The following UBE3B variants were observed in gnomAD, a reference collection of about 807,000 sequenced individuals.
UBE3B encodes ubiquitin protein ligase E3B.
Under a neutral mutation model 132.3 loss-of-function variants are expected in UBE3B, and 80 were observed. The observed-to-expected ratio is 0.60, with a 90% CI of 0.50 to 0.73. UBE3B has a LOEUF of 0.73. Among genes scored for constraint, UBE3B ranks in the 30% least tolerant of loss-of-function variants. UBE3B has a pLI of 0.00. For synonymous variants in UBE3B, 487 were observed against 520.4 expected, an observed-to-expected ratio of 0.94 and a Z score of 0.87; for missense variants, 1,196 against 1,362.5, an observed-to-expected ratio of 0.88 and a Z score of 1.92.
At position 109,534,600 on chromosome 12, in the gene UBE3B, G is replaced by A; in HGVS notation, c.3025G>A (p.Asp1009Asn). 1 of 1,609,694 alleles carries A rather than the reference G, an allele frequency of 6.2e-7. No homozygotes were observed. The highest frequency in any genetic ancestry group is 8.5e-7 in the Non-Finnish European group (1 of 1,177,906). ...CGATGTGTGCCTTCAGGACACCGGG[G>A]ACACTCTGGGCAGCGTCCTCCGGGG... ...VEVSDDQDTG[D>N]TLGSVLRGFF... The change falls in exon 28 of 28, where the codon GAC becomes AAC. Residue 1009 changes from aspartate to asparagine, a missense_variant. Coordinates refer to ENST00000342494, the MANE Select transcript of UBE3B (RefSeq NM_130466.4). This position sits in a 1 kb window ranked among gnomAD's most constrained non-coding sequence, Gnocchi z 5.2.
intron 15 of UBE3B, among the ~76,000 whole-genome samples, chr12:109,508,068 C>G (rs1473878176): frequency 6.6e-6 from 1 of 152,122 alleles, no homozygotes; most frequent in Non-Finnish European, 1.5e-5. Flanking sequence ...ATTCCAAAGT[C>G]AGAGCCAGGG....
intron 21 of UBE3B, among the ~76,000 whole-genome samples, chr12:109,523,689 G>C (rs572838524): frequency 9.2e-5 from 14 of 152,262 alleles, no homozygotes; most frequent in Non-Finnish European, 1.5e-4. Flanking sequence ...GCCCCCCACT[G>C]ACAGGTGAGA....
At chr12:109,523,478 TG>T (rs1488190396) in intron 21 of UBE3B, among the ~76,000 whole-genome samples, 1 of 152,208 alleles carries the variant, frequency 6.6e-6, no homozygotes, top group Non-Finnish European at 1.5e-5. Flanking sequence ...GGAGTATGCC[TG>T]GGGCCTCGTA....
At position 109,535,011 on chromosome 12, in the gene UBE3B, C is replaced by T. The variant is rs1883311207; in HGVS notation, c.*229C>T. 2.6e-6 allele frequency: 1 copy of T among 391,880 alleles called. No homozygotes were observed. Among genetic ancestry groups the T allele is most frequent in the African/African-American group, 2.1e-5 (1 of 48,494 alleles). 24.3% of individuals were successfully genotyped at this position (391,880 alleles called of 1,614,324 possible). ...CACAGGGCTGCAGAAAATAAACCTC[C>T]AGATTCCACCAACACGGGTCCATTC... On this transcript the variant is annotated 3_prime_UTR_variant, in exon 28 of 28. Coordinates refer to ENST00000342494, the MANE Select transcript of UBE3B (RefSeq NM_130466.4).
intron 8 of UBE3B, chr12:109,490,394 T>C: frequency 6.6e-7 from 1 of 1,517,864 alleles, no homozygotes; most frequent in South Asian, 1.2e-5. Flanking sequence ...ATCATACCTC[T>C]AGGGAATTGT....
At chr12:109,533,884 A>G (rs1213714593) in intron 27 of UBE3B, 10 of 1,325,534 alleles carry the variant, frequency 7.5e-6, no homozygotes, top group Non-Finnish European at 1.0e-5. Flanking sequence ...GCATGGGAGA[A>G]AGTGAGAGAG....
In UBE3B at chr12:109,522,278, C is replaced by CT. The variant is rs1183470523; in HGVS notation, c.2364+728dup. ...GAGGAAGTGAGTCTGGGTTTCCACT[C>CT]TGTGGCCTGATGGGGTCAGGGTGAT... On this transcript the variant is annotated intron_variant, in intron 21 of 27. Coordinates refer to ENST00000342494, the MANE Select transcript of UBE3B (RefSeq NM_130466.4). This position sits in a 1 kb window ranked among gnomAD's most constrained non-coding sequence, Gnocchi z 4.2. Among the ~76,000 whole-genome samples the CT allele has an allele frequency of 6.6e-6, 1 of 152,204 alleles. No individual in the cohort carries two copies. The highest frequency in any genetic ancestry group is 1.9e-4 in the East Asian group (1 of 5,186).
rs999256045 is a variant in UBE3B at position 109,521,577 on chromosome 12, T to C, written c.2364+26T>C. 5 of 1,523,228 alleles carry C rather than the reference T, an allele frequency of 3.3e-6. No individual in the cohort carries two copies. The highest frequency in any genetic ancestry group is 4.4e-6 in the Non-Finnish European group (5 of 1,131,944). 94.4% of individuals were successfully genotyped at this position (1,523,228 alleles called of 1,614,324 possible). ...GTAGGAACGTTAAGAAACAGAGAAA[T>C]GTAAAATAAAATGTTAACGGTACCA... On this transcript the variant is annotated intron_variant, in intron 21 of 27. Coordinates refer to ENST00000342494, the MANE Select transcript of UBE3B (RefSeq NM_130466.4). This position sits in a 1 kb window ranked among gnomAD's most constrained non-coding sequence, Gnocchi z 4.2.
intron 6 of UBE3B, 29 bp from the exon 7 acceptor site, chr12:109,488,543 C>G: frequency 6.3e-7 from 1 of 1,597,288 alleles, no homozygotes; most frequent in Non-Finnish European, 8.6e-7. Flanking sequence ...AGACGTGTGT[C>G]TTAATCTTGC....
At chr12:109,486,629 C>T (rs1876516180) in intron 6 of UBE3B, 54 bp downstream of exon 6, 41 of 1,332,732 alleles carry the variant, frequency 3.1e-5, no homozygotes, top group Middle Eastern at 4.2e-4. Context: ...GTACGTATGT[C>T]ATTTTCACCT....
chr12:109,479,193 C>G (rs1874896634), intron 1 of UBE3B, among the ~76,000 whole-genome samples: 1 of 152,210 alleles, frequency 6.6e-6, no homozygotes, highest in African/African-American at 2.4e-5. Flanking sequence ...TCACCAACCT[C>G]TTATTTTCTA....
intron 14 of UBE3B, 25 bp downstream of exon 14, chr12:109,503,215 T>C (rs768138484): frequency 6.2e-7 from 1 of 1,604,766 alleles, no homozygotes; most frequent in East Asian, 2.2e-5. Context: ...GGGCATCTTC[T>C]TCACCTCTCA....
chr12:109,509,489 T>TAA, intron 15 of UBE3B, 107 bp from the exon 16 acceptor site: 1 of 685,770 alleles, frequency 1.5e-6, no homozygotes, highest in African/African-American at 1.8e-5. Flanking sequence ...CTCTACAAGA[T>TAA]AAAGCTTATT....
chr12:109,504,482 A>C (rs1288245082), intron 14 of UBE3B, among the ~76,000 whole-genome samples: 1 of 152,210 alleles, frequency 6.6e-6, no homozygotes, highest in African/African-American at 2.4e-5. Context: ...AGAAGATACC[A>C]GGTTGTTGGC....
At chr12:109,509,355 T>C (rs1239167046) in intron 15 of UBE3B, 3 of 306,884 alleles carry the variant, frequency 9.8e-6, no homozygotes, top group African/African-American at 2.2e-5. Flanking sequence ...GCTGCACCTG[T>C]CACCCCGTCA....
At chr12:109,533,726 G>A (rs1455860194) in intron 27 of UBE3B, 168 bp downstream of exon 27, 1 of 844,622 alleles carries the variant, frequency 1.2e-6, no homozygotes, top group Non-Finnish European at 1.9e-6. Flanking sequence ...AGGAGAACCA[G>A]CCAGCCCCAG....
At position 109,534,860 on chromosome 12, in the gene UBE3B, A is replaced by G. The variant is rs1883302017; in HGVS notation, c.*78A>G. The G allele has an allele frequency of 7.9e-7, 1 of 1,267,854 alleles. No individual in the cohort carries two copies. Among genetic ancestry groups the G allele is most frequent in the Non-Finnish European group, 1.1e-6 (1 of 931,406 alleles). The allele number at this position is 1,267,854 out of a possible 1,614,324, so 78.5% of individuals were successfully genotyped here. A position where few individuals can be genotyped will look rare whatever the true frequency, so the allele number is the denominator to read the frequency against. ...TCCCAGAGGCAGTGTGGTCCTGGGAATGTGACCAACATGCCAGGTGACATT... is the reference window on the plus strand; with the variant it reads ...TCCCAGAGGCAGTGTGGTCCTGGGAGTGTGACCAACATGCCAGGTGACATT... On this transcript the variant is annotated 3_prime_UTR_variant, in exon 28 of 28. Transcript: ENST00000342494. The surrounding 1 kb of genome is among the most constrained non-coding windows in gnomAD (Gnocchi z 5.2).
chr12:109,500,860 A>G (rs1187476352), intron 12 of UBE3B, among the ~76,000 whole-genome samples: 12 of 152,216 alleles, frequency 7.9e-5, no homozygotes, highest in Admixed American at 3.9e-4. Flanking sequence ...TATTAACAAT[A>G]TGATGATCAA....
Position 109,499,708 on chromosome 12 carries a change from C to T in UBE3B, c.1016C>T (p.Thr339Ile), listed in dbSNP as rs1878713391. The T allele has an allele frequency of 6.2e-7, 1 of 1,613,482 alleles. No homozygotes were observed. Among genetic ancestry groups the T allele is most frequent in the South Asian group, 1.1e-5 (1 of 91,038 alleles). Residue 339 changes from threonine (T) to isoleucine (I), a missense_variant, in exon 12 of 28, where the codon ACC becomes ATC. By Grantham distance (89) the Thr-to-Ile change is moderately conservative. Transcript: ENST00000342494. ...EETDGFVSLLTQTLCYCRKYV... is the reference protein window; with the variant it reads ...EETDGFVSLLIQTLCYCRKYV... Reference sequence around the variant, plus strand: ...ACAGATGGGTTCGTGAGTTTGCTCACCCAGACGCTGTGCTACTGTCGGAAG... The same window carrying T: ...ACAGATGGGTTCGTGAGTTTGCTCATCCAGACGCTGTGCTACTGTCGGAAG...
Sources: allele counts gnomAD v4.1 joint callset (sites outside exome capture counted in the v4.1 genomes callset), GRCh38; gene constraint gnomAD v4.1.1; non-coding constraint Gnocchi (gnomAD v3.1); transcripts MANE v1.5; gene names NCBI Gene and HGNC (gene_info 2026-07-23, HGNC 2026-07-21).